ZNF534: variants seen among roughly 807,000 people sequenced by gnomAD.
ZNF534 encodes zinc finger protein 534.
In ZNF534, 19 loss-of-function variants were observed where a neutral mutation model predicts 13.6. The ratio of observed to expected loss-of-function variants is 1.40; its 90% CI spans 0.97 to 2.05. ZNF534 has a LOEUF of 2.05. Among genes scored for constraint, ZNF534 ranks in the 30% most tolerant of loss-of-function variants. The pLI is 0.00. For synonymous variants in ZNF534, 244 were observed against 273.8 expected (o/e 0.89, Z 1.07); for missense variants, 782 against 796.3 (o/e 0.98, Z 0.22).
Position 52,439,159 on chromosome 19 carries a change from C to T in ZNF534, c.1699C>T (p.Arg567Ter), listed in dbSNP as rs578064178. ...CTTCAGTCGGAATTCACACCTTGCGCGACATAGGAATATTCATACTGGAGA... is the reference window on the plus strand; with the variant it reads ...CTTCAGTCGGAATTCACACCTTGCGTGACATAGGAATATTCATACTGGAGA... ...KVFSRNSHLA[R>*]HRNIHTGEKP... Residue 567 changes from arginine to a stop codon, truncating the protein, a stop_gained, in exon 5 of 5, where the codon CGA (arginine) becomes TGA (stop). Coordinates refer to ENST00000433050, the MANE Select transcript of ZNF534 (RefSeq NM_001143938.3). LOFTEE classifies it low-confidence loss of function (END_TRUNC). The T allele has an allele frequency of 1.1e-4, 173 of 1,546,782 alleles. 3 individuals are homozygous for T. The highest frequency in any genetic ancestry group is 6.7e-4 in the South Asian group (54 of 81,024).
At chr19:52,446,076 C>G (rs544599613), downstream of ZNF534, among the ~76,000 whole-genome samples, 19 of 152,050 alleles carry the variant, frequency 1.2e-4, no homozygotes, top group Admixed American at 2.0e-4. Flanking sequence ...ATGGAGGTAC[C>G]AAGTTGATAT....
At chr19:52,446,762 G>A (rs2059195935), downstream of ZNF534, among the ~76,000 whole-genome samples, 1 of 152,192 alleles carries the variant, frequency 6.6e-6, no homozygotes, top group Non-Finnish European at 1.5e-5. Context: ...GGTGGCTGAG[G>A]TGGGAGGATC....
chr19:52,444,364 C>T (rs773077727), downstream of ZNF534, among the ~76,000 whole-genome samples: 7 of 151,536 alleles, frequency 4.6e-5, no homozygotes, highest in East Asian at 1.9e-4. Context: ...GTCTATGAGT[C>T]TCTCAGCTGT....
rs935467467 is a variant in ZNF534, at chr19:52,440,144, C to A, written c.*698C>A. The stretch of plus-strand genomic sequence containing the variant: ...GCAAAGAATTTCATATGAAATCATG[C>A]CTCTCTACCCATCTATTAATCCATA... On this transcript the variant is annotated 3_prime_UTR_variant, in exon 5 of 5. Transcript: ENST00000433050. Among the ~76,000 whole-genome samples, 1 of 152,304 alleles carries A rather than the reference C, an allele frequency of 6.6e-6. No individual in the cohort carries two copies. Among genetic ancestry groups the A allele is most frequent in the Non-Finnish European group, 1.5e-5 (1 of 68,020 alleles).
chr19:52,435,073 G>A lies in ZNF534; in HGVS notation c.143-8G>A, dbSNP rs764130958. 6.2e-7 allele frequency: 1 copy of A among 1,609,582 alleles called. No homozygotes were observed. The highest frequency in any genetic ancestry group is 8.5e-7 in the Non-Finnish European group (1 of 1,177,958). ...CAGCACACATTTATTCTTTCTTTTT[G>A]TAAGTAGGAATCTGTCTTCCTGACC... On this transcript the variant is annotated splice_region_variant and splice_polypyrimidine_tract_variant and intron_variant, in intron 3 of 4. Coordinates refer to ENST00000433050, the MANE Select transcript of ZNF534 (RefSeq NM_001143938.3).
rs556414421 is a variant in ZNF534, at chr19:52,441,384, A to G, written c.*1938A>G. ...TAAAAAATTAGCCAGGTGTGTTGGT[A>G]TATGCATGTATTCCCAGCTACTTGG... On this transcript the variant is annotated 3_prime_UTR_variant, in exon 5 of 5. Transcript: ENST00000433050. Among the ~76,000 whole-genome samples the G allele has an allele frequency of 7.2e-5, 11 of 152,204 alleles. No individual in the cohort carries two copies. The Middle Eastern group carries it at 0.017, about 235-fold the overall frequency.
intron 1 of ZNF534, among the ~76,000 whole-genome samples, chr19:52,430,900 G>A (rs899840138): frequency 2.6e-5 from 4 of 151,532 alleles, no homozygotes; most frequent in African/African-American, 9.7e-5. Flanking sequence ...ACCCAGGCTG[G>A]AGTGCAATGG....
chr19:52,432,626 T>TTTTA (rs1204630049), intron 2 of ZNF534, among the ~76,000 whole-genome samples: 1 of 152,042 alleles, frequency 6.6e-6, no homozygotes, highest in African/African-American at 2.4e-5. Context: ...TTTTTATTTA[T>TTTTA]TTTATTTATT....
rs928804742 is a variant in ZNF534, at chr19:52,435,307, G to C, written c.271+98G>C. The C allele has an allele frequency of 4.5e-6, 6 of 1,339,700 alleles. No individual in the cohort carries two copies. In the African/African-American group the frequency reaches 8.9e-5, roughly 20 times the overall value. 83.0% of individuals were successfully genotyped at this position (1,339,700 alleles called of 1,614,324 possible). On this transcript the variant is annotated intron_variant, in intron 4 of 4. Transcript: ENST00000433050. ...AGGCTGGAGTACAGTGGCAATCATA[G>C]CTCACAGCAGCCTTAAACTCCTGGA...
intron 4 of ZNF534, among the ~76,000 whole-genome samples, chr19:52,449,976 G>C (rs111411305): frequency 6.6e-6 from 1 of 151,970 alleles, no homozygotes; most frequent in East Asian, 1.9e-4. Context: ...AGCCAAGATC[G>C]CACCACTGCA....
chr19:52,450,674 T>A (rs1363727785), intron 4 of ZNF534, among the ~76,000 whole-genome samples: 1 of 32,466 alleles, frequency 3.1e-5, no homozygotes, highest in Non-Finnish European at 1.0e-4. Context: ...TTAGGAGTTT[T>A]TTTTTTTTTT....
intron 4 of ZNF534, among the ~76,000 whole-genome samples, chr19:52,436,310 A>G (rs2059128714): frequency 6.6e-6 from 1 of 152,184 alleles, no homozygotes; most frequent in Non-Finnish European, 1.5e-5. Flanking sequence ...GGAAAAATAC[A>G]CATAGACTTA....
rs771292593 is a variant in ZNF534 at position 52,438,595 on chromosome 19, G to A, written c.1135G>A (p.Glu379Lys). 29 of 1,587,442 alleles carry A rather than the reference G, an allele frequency of 1.8e-5. No individual in the cohort carries two copies. The South Asian group carries it at 2.9e-4, about 16-fold the overall frequency. ...LARHRKVHTG[E>K]KPYKCNECGK... ...AAGGCATCGGAAAGTTCATACTGGA[G>A]AGAAACCTTACAAATGTAATGAGTG... is the stretch of plus-strand genomic sequence containing the variant. Residue 379 changes from glutamate to lysine, a missense_variant, in exon 5 of 5, where the codon GAG (glutamate) becomes AAG (lysine). Physicochemically the swap from Glu to Lys is moderately conservative, Grantham distance 56 (BLOSUM62 1). This residue lies in a region of ZNF534 where 591 missense variants were observed against 574.0 expected (regional missense o/e 1.03). Transcript: ENST00000433050.
exon 5 of ZNF534, chr19:52,451,832 A>G (rs143169667): frequency 5.8e-4 from 459 of 795,634 alleles, no homozygotes; most frequent in Non-Finnish European, 7.7e-4. Context: ...AGGTGATCGA[A>G]TTGCACAGCT....
At chr19:52,431,837 G>A (rs1405790328) in intron 2 of ZNF534, among the ~76,000 whole-genome samples, 1 of 149,290 alleles carries the variant, frequency 6.7e-6, no homozygotes, top group East Asian at 2.0e-4. Flanking sequence ...TAAGACTAGA[G>A]AAGCTGCATG....
At chr19:52,450,436 A>G (rs1353242562) in intron 4 of ZNF534, among the ~76,000 whole-genome samples, 1 of 151,924 alleles carries the variant, frequency 6.6e-6, no homozygotes, top group Non-Finnish European at 1.5e-5. Context: ...TTTTTTCCCA[A>G]TGTATATTCT....
In ZNF534 at chr19:52,438,612, T is replaced by C; in HGVS notation, c.1152T>C (p.Cys384=). ...KVHTGEKPYK[C]NECGKVFIGN... ...ATACTGGAGAGAAACCTTACAAATG[T>C]AATGAGTGTGGCAAGGTCTTTATTG... Residue 384 remains cysteine (C), a synonymous_variant, in exon 5 of 5, where the codon TGT becomes TGC. Coordinates refer to ENST00000433050, the MANE Select transcript of ZNF534 (RefSeq NM_001143938.3). The C allele has an allele frequency of 6.3e-7, 1 of 1,589,708 alleles. No individual in the cohort carries two copies. Among genetic ancestry groups the C allele is most frequent in the Non-Finnish European group, 8.6e-7 (1 of 1,166,720 alleles).
chr19:52,437,699 G>T, intron 4 of ZNF534, 33 bp from the exon 5 acceptor site: 1 of 1,523,084 alleles, frequency 6.6e-7, no homozygotes, highest in Non-Finnish European at 8.8e-7. Flanking sequence ...GCCAGAATCG[G>T]GATTAAGTTC....
downstream of ZNF534, among the ~76,000 whole-genome samples, chr19:52,445,718 T>TGATCCTC (rs368475199): frequency 9.7e-5 from 1 of 10,264 alleles, no homozygotes; most frequent in East Asian, 1.1e-3. Flanking sequence ...GGCTTCCTAA[T>TGATCCTC]TTACTCTTGC....
Sources: gnomAD v4.1 joint callset for allele counts (sites outside exome capture counted in the v4.1 genomes callset) on GRCh38, gnomAD v4.1.1 for gene constraint, gnomAD v4.1.1 regional missense constraint, MANE v1.5 for transcripts, NCBI Gene and HGNC (gene_info 2026-07-23, HGNC 2026-07-21) for gene names.